Variants in MAP4 observed in about 807,000 individuals in gnomAD.
The protein encoded by MAP4 is microtubule associated protein 4.
A neutral mutation model predicts 170.2 loss-of-function variants in MAP4; 76 were observed. The observed-to-expected ratio is 0.45, with a 90% CI of 0.37 to 0.54. The LOEUF (loss-of-function observed/expected upper bound fraction) is 0.54, where lower values mean the gene tolerates loss of function less well. MAP4 is among the 20% of genes least tolerant of loss of function. The pLI, the probability that MAP4 is intolerant of heterozygous loss-of-function variation, is 0.00. For synonymous variants in MAP4, 909 were observed against 994.5 expected (o/e 0.91, Z 1.62); for missense variants, 2,506 against 2,748.0 (o/e 0.91, Z 1.97).
At chr3:47,949,099 T>C (rs1247842530) in intron 3 of MAP4, among the ~76,000 whole-genome samples, 1 of 152,192 alleles carries the variant, frequency 6.6e-6, no homozygotes, top group Admixed American at 6.5e-5. Context: ...TAATCACTTA[T>C]TCATTCAACT....
intron 1 of MAP4, among the ~76,000 whole-genome samples, chr3:48,056,589 G>A (rs1321880645): frequency 2.5e-5 from 3 of 117,900 alleles, no homozygotes; most frequent in Non-Finnish European, 4.9e-5. Context: ...CCTCAGCCCC[G>A]CCAGCCGCCC....
chr3:47,873,595 A>G (rs775403516), intron 12 of MAP4, among the ~76,000 whole-genome samples: 3 of 152,230 alleles, frequency 2.0e-5, no homozygotes, highest in Non-Finnish European at 4.4e-5. Flanking sequence ...GGCCTTAAGT[A>G]TGGTGTGAAG....
At chr3:48,073,675 TTTTA>T (rs2154566121) in intron 1 of MAP4, among the ~76,000 whole-genome samples, 1 of 151,190 alleles carries the variant, frequency 6.6e-6, no homozygotes, top group African/African-American at 2.4e-5. Flanking sequence ...TATAAAAATC[TTTTA>T]TTTCTCTATA....
At chr3:48,055,200 G>C (rs62260829) in intron 1 of MAP4, among the ~76,000 whole-genome samples, 30 of 70,954 alleles carry the variant, frequency 4.2e-4, no homozygotes, top group Admixed American at 1.0e-3. Flanking sequence ...CTCCCTCTCC[G>C]TCTCCGTCTC....
intron 1 of MAP4, among the ~76,000 whole-genome samples, chr3:48,073,560 G>A (rs1267011256): frequency 2.7e-5 from 4 of 150,906 alleles, no homozygotes; most frequent in African/African-American, 7.3e-5. Flanking sequence ...GCGGAGAGCC[G>A]AGATCGCTCC....
chr3:48,067,395 C>T (rs1484542985), intron 1 of MAP4, among the ~76,000 whole-genome samples: 2 of 152,070 alleles, frequency 1.3e-5, no homozygotes, highest in African/African-American at 4.8e-5. Flanking sequence ...GTGGTGCAAT[C>T]ATGGCTTACT....
chr3:47,876,637 AACT>A (rs1199670959), intron 11 of MAP4, among the ~76,000 whole-genome samples: 1 of 152,096 alleles, frequency 6.6e-6, no homozygotes, highest in African/African-American at 2.4e-5. Context: ...AACATGCTGA[AACT>A]ACCTGTATCT....
At chr3:47,901,408 A>G (rs1003671703) in intron 10 of MAP4, among the ~76,000 whole-genome samples, 1 of 152,194 alleles carries the variant, frequency 6.6e-6, no homozygotes, top group Non-Finnish European at 1.5e-5. Context: ...CTATTTGCAG[A>G]GCAATAGGCA....
chr3:47,915,936 A>C lies in MAP4; in HGVS notation c.1876+15T>G. ...CTGGTAGAGAGAAATACTGAGAATA[A>C]GCACAAGCACGTACCTGGTGAAATC... is the stretch of plus-strand genomic sequence containing the variant. On this transcript the variant is annotated intron_variant, in intron 7 of 20. Transcript: ENST00000683076. The C allele has an allele frequency of 1.3e-6, 2 of 1,590,338 alleles. No homozygotes were observed. Among genetic ancestry groups the C allele is most frequent in the Non-Finnish European group, 1.7e-6 (2 of 1,169,342 alleles).
Position 47,910,133 on chromosome 3 carries a change from A to T in MAP4, c.4288T>A (p.Ser1430Thr). The T allele has an allele frequency of 6.2e-7, 1 of 1,613,932 alleles. No individual in the cohort carries two copies. Among genetic ancestry groups the T allele is most frequent in the Non-Finnish European group, 8.5e-7 (1 of 1,179,868 alleles). The change falls in exon 9 of 21, where the codon TCT (serine) becomes ACT (threonine). Residue 1430 changes from serine to threonine, a missense_variant. This residue lies in a region of MAP4 where 2,008 missense variants were observed against 2,206.0 expected (regional missense o/e 0.91). Coordinates refer to ENST00000683076, the MANE Select transcript of MAP4 (RefSeq NM_001385682.1). ...RTPSELINKS[S>T]PLEVLESAAC... ...GCTGATTCCAGAACCTCTAGAGGAG[A>T]TGATTTATTTATCAGCTCTGATGGT...
chr3:48,059,765 G>C (rs1330388782), intron 1 of MAP4, among the ~76,000 whole-genome samples: 1 of 152,026 alleles, frequency 6.6e-6, no homozygotes, highest in Non-Finnish European at 1.5e-5. Flanking sequence ...GATTGCCTGA[G>C]CTCGGGAGTT....
At position 47,902,956 on chromosome 3, in the gene MAP4, C is replaced by A; in HGVS notation, c.5428G>T (p.Val1810Phe). The A allele has an allele frequency of 1.0e-6, 1 of 984,996 alleles. No individual in the cohort carries two copies. The highest frequency in any genetic ancestry group is 1.2e-6 in the Non-Finnish European group (1 of 829,610). The allele number at this position is 984,996 out of a possible 1,614,324, so 61.0% of individuals were successfully genotyped here. A position where few individuals can be genotyped will look rare whatever the true frequency, so the allele number is the denominator to read the frequency against. The change falls in exon 10 of 21, where the codon GTT becomes TTT. Residue 1810 changes from valine to phenylalanine, a missense_variant. Coordinates refer to ENST00000683076, the MANE Select transcript of MAP4 (RefSeq NM_001385682.1). ...CACCAAGAGAGTTTCTCACCATAAA[C>A]TGACATTCCCAGCTGCTGGTAGACA... ...STVYQQLGMS[V>F]YGIARPEEGR... is the part of the protein sequence containing the mutation.
At chr3:47,891,743 G>A in intron 10 of MAP4, 2 of 1,536,734 alleles carry the variant, frequency 1.3e-6, no homozygotes, top group South Asian at 1.2e-5. Context: ...TGGCGGAATG[G>A]TGGTGGGTGA....
intron 1 of MAP4, among the ~76,000 whole-genome samples, chr3:48,041,881 G>A (rs2100121796): frequency 6.6e-6 from 1 of 152,008 alleles, no homozygotes; most frequent in Non-Finnish European, 1.5e-5. Context: ...AGCTATAATA[G>A]TCAAGACAAT....
Position 47,909,179 on chromosome 3 carries a change from C to T in MAP4, c.5242G>A (p.Glu1748Lys), listed in dbSNP as rs748606535. The change falls in exon 9 of 21, where the codon GAA becomes AAA. Residue 1748 changes from glutamate (E) to lysine (K), a missense_variant. Physicochemically the swap from Glu to Lys is moderately conservative, Grantham distance 56 (BLOSUM62 1). Transcript: ENST00000683076. ...TEKSESKTPG[E>K]GKKEDKSRMA... The stretch of plus-strand genomic sequence containing the variant: ...CTGCTTTTATCTTCCTTTTTCCCTT[C>T]TCCTGGTGTCTTTGATTCAGATTTT... 6.2e-6 allele frequency: 10 copies of T among 1,613,788 alleles called. No homozygotes were observed. The highest frequency in any genetic ancestry group is 5.0e-5 in the Admixed American group (3 of 59,986).
At chr3:47,980,273 G>T (rs2100084716) in intron 2 of MAP4, among the ~76,000 whole-genome samples, 1 of 151,978 alleles carries the variant, frequency 6.6e-6, no homozygotes, top group South Asian at 2.1e-4. Context: ...ATCAATTTGG[G>T]GATGTACAAC....
chr3:48,074,734 G>A (rs527430222), intron 1 of MAP4, among the ~76,000 whole-genome samples: 4 of 141,544 alleles, frequency 2.8e-5, no homozygotes, highest in Admixed American at 1.5e-4. Flanking sequence ...GTGATATGTC[G>A]GCCAGACTGG....
chr3:48,015,381 C>CA (rs1018690897), intron 1 of MAP4, among the ~76,000 whole-genome samples: 1 of 152,060 alleles, frequency 6.6e-6, no homozygotes, highest in African/African-American at 2.4e-5. Context: ...ATTTAAATGA[C>CA]AGAGAATTCT....
chr3:47,901,848 G>T (rs1018027359), intron 10 of MAP4, among the ~76,000 whole-genome samples: 3 of 152,160 alleles, frequency 2.0e-5, no homozygotes, highest in African/African-American at 4.8e-5. Context: ...AATATGAGGG[G>T]AAGAAGCTTC....
Sources: gnomAD v4.1 joint callset for allele counts (sites outside exome capture counted in the v4.1 genomes callset) on GRCh38, gnomAD v4.1.1 for gene constraint, gnomAD v4.1.1 regional missense constraint, MANE v1.5 for transcripts, NCBI Gene and HGNC (gene_info 2026-07-23, HGNC 2026-07-21) for gene names.